Variants in ATG10 observed in about 807,000 individuals in gnomAD.
The protein encoded by ATG10 is ubiquitin-like-conjugating enzyme ATG10.
In ATG10, 30 loss-of-function variants were observed where a neutral mutation model predicts 32.1. The observed-to-expected ratio is 0.94, with a 90% CI of 0.70 to 1.27. ATG10 has a LOEUF of 1.27. Among genes scored for constraint, ATG10 ranks in the 50% most tolerant of loss-of-function variants. ATG10 has a pLI of 0.00. For missense variants in ATG10, 233 were observed against 262.3 expected, an observed-to-expected ratio of 0.89 and a Z score of 0.77; for synonymous variants, 87 against 91.5, an observed-to-expected ratio of 0.95 and a Z score of 0.28.
At chr5:82,106,213 A>G (rs1300348577) in intron 3 of ATG10, among the ~76,000 whole-genome samples, 1 of 152,164 alleles carries the variant, frequency 6.6e-6, no homozygotes, top group Non-Finnish European at 1.5e-5. Flanking sequence ...AAAAAGAGCT[A>G]TTTTTAAAAA....
At chr5:82,180,652 G>C (rs1744195064) in intron 5 of ATG10, among the ~76,000 whole-genome samples, 2 of 152,108 alleles carry the variant, frequency 1.3e-5, no homozygotes, top group Admixed American at 1.3e-4. Flanking sequence ...ATGTTTGGTT[G>C]TAAGAGTCAA....
chr5:82,043,341 G>A (rs1763140570), intron 2 of ATG10, among the ~76,000 whole-genome samples: 1 of 152,330 alleles, frequency 6.6e-6, no homozygotes, highest in African/African-American at 2.4e-5. Context: ...GGGGCCCTGG[G>A]CCTGGCCCAC....
chr5:82,210,760 C>T (rs1448148028), intron 5 of ATG10, among the ~76,000 whole-genome samples: 4 of 152,078 alleles, frequency 2.6e-5, no homozygotes, highest in Non-Finnish European at 5.9e-5. Flanking sequence ...AATACCTGCC[C>T]CACCTCAAGG....
intron 4 of ATG10, among the ~76,000 whole-genome samples, chr5:82,171,761 T>C (rs1731929511): frequency 6.6e-6 from 1 of 152,268 alleles, no homozygotes; most frequent in Non-Finnish European, 1.5e-5. Context: ...TTTATTATGA[T>C]CATTCAGCCA....
intron 2 of ATG10, among the ~76,000 whole-genome samples, chr5:82,003,626 T>C (rs1203727810): frequency 6.6e-6 from 1 of 152,158 alleles, no homozygotes; most frequent in Non-Finnish European, 1.5e-5. Flanking sequence ...AACCATGTAT[T>C]CATAATGTTA....
rs371937371 is a variant in ATG10 at position 82,055,830 on chromosome 5, G to A, written c.109-2665G>A. Among the ~76,000 whole-genome samples the A allele has an allele frequency of 7.9e-4, 120 of 152,248 alleles. 3 individuals carry two copies. In the South Asian group the frequency reaches 0.025, roughly 32 times the overall value. On this transcript the variant is annotated intron_variant, in intron 2 of 7. Transcript: ENST00000282185. ...GAGATTATAATACTGTATTTTTGCT[G>A]TACATTTTCTTTGTTTAGATATGCT...
chr5:82,009,752 G>T, intron 2 of ATG10: 4 of 1,604,686 alleles, frequency 2.5e-6, no homozygotes, highest in East Asian at 4.5e-5. Flanking sequence ...TGGCAGTGCA[G>T]ATGAAAAACT....
At chr5:82,213,006 C>G (rs1745550324) in intron 5 of ATG10, among the ~76,000 whole-genome samples, 1 of 152,212 alleles carries the variant, frequency 6.6e-6, no homozygotes, top group Non-Finnish European at 1.5e-5. Flanking sequence ...CTCAAACTTT[C>G]AGGTAGTCCA....
intron 5 of ATG10, among the ~76,000 whole-genome samples, chr5:82,208,524 A>G (rs536978353): frequency 3.7e-4 from 56 of 151,942 alleles, no homozygotes; most frequent in African/African-American, 1.3e-3. Flanking sequence ...CTTTTGTTGC[A>G]TTTTCTTAGC....
At chr5:82,225,421 C>A (rs1299227349) in intron 5 of ATG10, among the ~76,000 whole-genome samples, 1 of 152,144 alleles carries the variant, frequency 6.6e-6, no homozygotes, top group Non-Finnish European at 1.5e-5. Context: ...TAACCCCACC[C>A]AGCTGTTTGC....
At chr5:82,121,949 T>G (rs949588315) in intron 3 of ATG10, among the ~76,000 whole-genome samples, 36 of 151,156 alleles carry the variant, frequency 2.4e-4, no homozygotes, top group Admixed American at 5.3e-4. Context: ...AAGTTTTTTT[T>G]TTTTTTTTTT....
intron 1 of ATG10, among the ~76,000 whole-genome samples, chr5:81,978,906 C>CT (rs1465634793): frequency 4.8e-4 from 71 of 146,410 alleles, no homozygotes; most frequent in Admixed American, 1.0e-3. Context: ...TTGAATTTTT[C>CT]TTTTTTTTTT....
chr5:82,226,827 G>A (rs1451921075), intron 5 of ATG10, among the ~76,000 whole-genome samples: 3 of 152,076 alleles, frequency 2.0e-5, no homozygotes, highest in South Asian at 2.1e-4. Context: ...AACTTATGAC[G>A]CAGATTATAA....
intron 2 of ATG10, among the ~76,000 whole-genome samples, chr5:82,012,846 C>T (rs112544564): frequency 4.6e-4 from 70 of 152,154 alleles, no homozygotes; most frequent in African/African-American, 1.5e-3. Context: ...TAATTAGAGA[C>T]AGGGTTTCAC....
chr5:82,040,580 A>G (rs1485155369), intron 2 of ATG10, among the ~76,000 whole-genome samples: 1 of 152,264 alleles, frequency 6.6e-6, no homozygotes, highest in East Asian at 1.9e-4. Flanking sequence ...TTTTAAAAAA[A>G]TAGATTACAA....
chr5:82,159,521 G>A (rs2149893362), intron 3 of ATG10, among the ~76,000 whole-genome samples: 1 of 152,100 alleles, frequency 6.6e-6, no homozygotes, highest in South Asian at 2.1e-4. Flanking sequence ...TTCATTCTGT[G>A]TTCTGTAACA....
intron 5 of ATG10, among the ~76,000 whole-genome samples, chr5:82,203,516 T>G (rs1745159012): frequency 6.6e-6 from 1 of 152,190 alleles, no homozygotes; most frequent in African/African-American, 2.4e-5. Flanking sequence ...GTGGGAGAGA[T>G]AGGCTGTGGT....
intron 5 of ATG10, among the ~76,000 whole-genome samples, chr5:82,225,366 G>T (rs192522758): frequency 1.3e-5 from 2 of 152,094 alleles, no homozygotes; most frequent in East Asian, 3.9e-4. Flanking sequence ...ATTTGCTTTC[G>T]ATCATTTAAG....
intron 2 of ATG10, among the ~76,000 whole-genome samples, chr5:82,017,431 T>C (rs1368673378): frequency 6.6e-6 from 1 of 152,194 alleles, no homozygotes; most frequent in Non-Finnish European, 1.5e-5. Context: ...ACTAGGACTT[T>C]CAGTACTATG....
Sources: allele counts gnomAD v4.1 joint callset (sites outside exome capture counted in the v4.1 genomes callset), GRCh38; gene constraint gnomAD v4.1.1; transcripts MANE v1.5; gene names NCBI Gene and HGNC (gene_info 2026-07-23, HGNC 2026-07-21).